The following MCTP2 variants were observed in gnomAD, a reference collection of about 807,000 sequenced individuals.
MCTP2 encodes the protein multiple C2 and transmembrane domain-containing protein 2.
In MCTP2, 132 loss-of-function variants were observed where a neutral mutation model predicts 111.6. That is an observed-to-expected ratio of 1.18 (90% CI 1.03 to 1.37). The LOEUF (loss-of-function observed/expected upper bound fraction) is 1.37. Ranked by LOEUF, MCTP2 falls within the 40% of genes most tolerant of loss-of-function variation. The pLI is 0.00. For synonymous variants in MCTP2, 395 were observed against 387.7 expected (o/e 1.02, Z -0.22); for missense variants, 1,183 against 1,067.9 (o/e 1.11, Z -1.50).
At chr15:94,403,338 T>G in intron 17 of MCTP2, 1 of 727,888 alleles carries the variant, frequency 1.4e-6, no homozygotes, top group Non-Finnish European at 1.7e-6. Flanking sequence ...CTTCATGCGT[T>G]GAGTTCCCCT....
At chr15:94,274,264 T>G (rs1244719562) in intron 1 of MCTP2, among the ~76,000 whole-genome samples, 5 of 152,214 alleles carry the variant, frequency 3.3e-5, no homozygotes, top group Admixed American at 3.3e-4. Context: ...ATGCAACTAA[T>G]TCAGTGCTTA....
intron 17 of MCTP2, among the ~76,000 whole-genome samples, chr15:94,414,857 A>G (rs1025733237): frequency 2.0e-5 from 3 of 152,148 alleles, no homozygotes; most frequent in East Asian, 1.9e-4. Context: ...TTTACATTAC[A>G]GACTTCGTAG....
intron 1 of MCTP2, among the ~76,000 whole-genome samples, chr15:94,263,455 G>A (rs976769377): frequency 1.3e-5 from 2 of 152,152 alleles, no homozygotes; most frequent in East Asian, 3.8e-4. Context: ...TTAAGGACAT[G>A]TCATTTAACA....
rs141155230 is a variant in MCTP2, at chr15:94,445,690, C to T, written c.2250+2730C>T. 2.0e-4 allele frequency among the ~76,000 whole-genome samples: 30 copies of T among 152,286 alleles called. No individual in the cohort carries two copies. In the East Asian group the frequency reaches 3.3e-3, roughly 17 times the overall value. On this transcript the variant is annotated intron_variant, in intron 19 of 22. Coordinates refer to ENST00000357742, the MANE Select transcript of MCTP2 (RefSeq NM_001385001.1). ...CGTCATAGTGAGCTGGAAGAAAGGTCTACTCACTGAGCCCTTCTGGCTTCT... is the reference window on the plus strand; with the variant it reads ...CGTCATAGTGAGCTGGAAGAAAGGTTTACTCACTGAGCCCTTCTGGCTTCT...
chr15:94,347,806 CA>C (rs1482389379), intron 8 of MCTP2, among the ~76,000 whole-genome samples: 5 of 151,890 alleles, frequency 3.3e-5, no homozygotes, highest in Admixed American at 1.3e-4. Flanking sequence ...AATATAAAGA[CA>C]AAAAAGCAAT....
rs1567589861 is a variant in MCTP2, at chr15:94,385,498, T to C, written c.1761T>C (p.Leu587=). 2.5e-6 allele frequency: 4 copies of C among 1,613,152 alleles called. No individual in the cohort carries two copies. In the African/African-American group the frequency reaches 5.3e-5, roughly 22 times the overall value. Residue 587 remains leucine, a synonymous_variant, in exon 14 of 23, where the codon CTT becomes CTC. Coordinates refer to ENST00000357742, the MANE Select transcript of MCTP2 (RefSeq NM_001385001.1). ...ATGGAGATAAACCCCCAGATTTTCT[T>C]GGAAAAGTTGCCATTCCCTTGCTGT... ...DEDGDKPPDF[L]GKVAIPLLSI... is the part of the protein sequence containing the mutation.
At chr15:94,262,521 T>G (rs6497192) in intron 1 of MCTP2, among the ~76,000 whole-genome samples, 143,024 of 152,228 alleles carry the variant, frequency 0.94, 67,291 homozygotes, top group African/African-American at 0.98. Context: ...ATAGCTGCAA[T>G]GTCTATATTT....
rs2074833478 is a variant in MCTP2 at position 94,483,601 on chromosome 15, G to A, written c.*4567G>A. 1.3e-5 allele frequency: 2 copies of A among 152,176 alleles called. No individual in the cohort carries two copies. The highest frequency in any genetic ancestry group is 2.4e-5 in the African/African-American group (1 of 41,438). 9.4% of individuals were successfully genotyped at this position (152,176 alleles called of 1,614,324 possible). On this transcript the variant is annotated 3_prime_UTR_variant, in exon 23 of 23. Coordinates refer to ENST00000357742, the MANE Select transcript of MCTP2 (RefSeq NM_001385001.1). ...CCATTATCCTTAGCAAACTAATGCAGCAACAGAAAACCAAATACCACATGT... is the reference window on the plus strand; with the variant it reads ...CCATTATCCTTAGCAAACTAATGCAACAACAGAAAACCAAATACCACATGT...
intron 17 of MCTP2, among the ~76,000 whole-genome samples, chr15:94,408,655 T>C (rs972576038): frequency 2.6e-5 from 4 of 152,236 alleles, no homozygotes; most frequent in African/African-American, 9.6e-5. Flanking sequence ...AAAAAGATTA[T>C]CTGTTAAAAA....
At chr15:94,269,057 G>T (rs952696659) in intron 1 of MCTP2, among the ~76,000 whole-genome samples, 2 of 152,064 alleles carry the variant, frequency 1.3e-5, no homozygotes, top group African/African-American at 4.8e-5. Flanking sequence ...TTGTTTAAAT[G>T]ATTAGTATAA....
In MCTP2 at chr15:94,276,133, C is replaced by T. The variant is rs187309430; in HGVS notation, c.-65-22068C>T. ...TGCTGGGATTACAGGTGTGAGCCACCGTGCCTGGCCTTTATAAGTGTTTTT... is the reference window on the plus strand; with the variant it reads ...TGCTGGGATTACAGGTGTGAGCCACTGTGCCTGGCCTTTATAAGTGTTTTT... On this transcript the variant is annotated intron_variant, in intron 1 of 22. Transcript: ENST00000357742. 2.3e-3 allele frequency among the ~76,000 whole-genome samples: 352 copies of T among 152,126 alleles called. 4 individuals carry two copies. Among genetic ancestry groups the T allele is most frequent in the Middle Eastern group, 0.01 (3 of 292 alleles).
At chr15:94,378,102 T>A (rs1315083146) in intron 12 of MCTP2, among the ~76,000 whole-genome samples, 2 of 152,150 alleles carry the variant, frequency 1.3e-5, no homozygotes, top group African/African-American at 4.8e-5. Context: ...CAAAAGTTTA[T>A]TCTGGCAGCT....
intron 2 of MCTP2, among the ~76,000 whole-genome samples, chr15:94,310,603 G>A (rs1244436289): frequency 1.3e-5 from 2 of 151,550 alleles, no homozygotes; most frequent in African/African-American, 4.9e-5. Context: ...AGCCTGGGCT[G>A]GTGTGCGACA....
intron 17 of MCTP2, among the ~76,000 whole-genome samples, chr15:94,433,679 T>G (rs2083309689): frequency 6.6e-6 from 1 of 152,178 alleles, no homozygotes; most frequent in Non-Finnish European, 1.5e-5. Context: ...TGCCATACAG[T>G]TTTTCAAATT....
intron 21 of MCTP2, among the ~76,000 whole-genome samples, chr15:94,473,409 G>A (rs550368840): frequency 1.3e-5 from 2 of 152,292 alleles, no homozygotes; most frequent in African/African-American, 4.8e-5. Flanking sequence ...GTAGGAGTGT[G>A]ATTTTTGAAA....
intron 20 of MCTP2, among the ~76,000 whole-genome samples, chr15:94,462,512 C>A (rs1338664226): frequency 6.6e-6 from 1 of 152,102 alleles, no homozygotes; most frequent in African/African-American, 2.4e-5. Flanking sequence ...AGAAGATGTT[C>A]TATGATAAAT....
intron 1 of MCTP2, among the ~76,000 whole-genome samples, chr15:94,243,733 G>GTATACACATACATATGCGTA (rs1567253762): frequency 1.1e-4 from 15 of 140,730 alleles, no homozygotes; most frequent in Admixed American, 2.1e-4. Context: ...ATACATATGT[G>GTATACACATACATATGCGTA]TATACATATA....
chr15:94,322,776 GGTAATAAAAA>G, intron 4 of MCTP2, among the ~76,000 whole-genome samples: 1 of 152,160 alleles, frequency 6.6e-6, no homozygotes, highest in East Asian at 1.9e-4. Flanking sequence ...GGAGATGTTG[GGTAATAAAAA>G]GTCATTTTCT....
At chr15:94,471,078 T>TA (rs2073887284) in intron 21 of MCTP2, among the ~76,000 whole-genome samples, 1 of 152,242 alleles carries the variant, frequency 6.6e-6, no homozygotes, top group Non-Finnish European at 1.5e-5. Context: ...CTTGATTTAA[T>TA]ACTCAAACTA....
Sources: allele counts gnomAD v4.1 joint callset (sites outside exome capture counted in the v4.1 genomes callset), GRCh38; gene constraint gnomAD v4.1.1; transcripts MANE v1.5; gene names NCBI Gene and HGNC (gene_info 2026-07-23, HGNC 2026-07-21).